The following DGKB variants were observed in gnomAD, a reference collection of about 807,000 sequenced individuals.
The protein encoded by DGKB is diacylglycerol kinase beta, also known as 90 kDa diacylglycerol kinase.
Under a neutral mutation model 114.3 loss-of-function variants are expected in DGKB, and 67 were observed. The observed-to-expected ratio is 0.59, with a 90% confidence interval of 0.48 to 0.72. DGKB has a LOEUF of 0.72. DGKB is among the 30% of genes least tolerant of loss of function. The pLI is 0.00. For missense variants in DGKB, 907 were observed against 975.2 expected, an observed-to-expected ratio of 0.93 and a Z score of 0.93; for synonymous variants, 398 against 323.1, an observed-to-expected ratio of 1.23 and a Z score of -2.49.
At chr7:14,579,931 T>C (rs1445273029) in intron 19 of DGKB, among the ~76,000 whole-genome samples, 1 of 152,204 alleles carries the variant, frequency 6.6e-6, no homozygotes, top group Non-Finnish European at 1.5e-5. Flanking sequence ...CAAACTTCTC[T>C]AAGTGAGCTT....
At chr7:14,230,215 C>G (rs1284545876) in intron 23 of DGKB, among the ~76,000 whole-genome samples, 1 of 151,994 alleles carries the variant, frequency 6.6e-6, no homozygotes, top group Non-Finnish European at 1.5e-5. Flanking sequence ...TGTCTTCATT[C>G]TTTTACTTGG....
At chr7:14,256,075 A>T (rs59734999) in intron 23 of DGKB, among the ~76,000 whole-genome samples, 9 of 152,130 alleles carry the variant, frequency 5.9e-5, no homozygotes, top group Non-Finnish European at 1.2e-4. Flanking sequence ...AATACTGGCC[A>T]AGTTTTGTCT....
chr7:14,538,085 C>CAAAAAAAAA (rs58405374), intron 20 of DGKB, among the ~76,000 whole-genome samples: 3 of 44,798 alleles, frequency 6.7e-5, no homozygotes, highest in South Asian at 1.2e-3. Flanking sequence ...ATCTCTGTCT[C>CAAAAAAAAA]AAAAAAAAAA....
At chr7:14,804,156 A>AT (rs1330164860) in intron 2 of DGKB, among the ~76,000 whole-genome samples, 3 of 146,240 alleles carry the variant, frequency 2.1e-5, no homozygotes, top group Non-Finnish European at 4.5e-5. Flanking sequence ...TGCATGCTTT[A>AT]TTTCCCTCTA....
intron 1 of DGKB, among the ~76,000 whole-genome samples, chr7:14,908,900 CAT>C (rs1217612609): frequency 6.6e-6 from 1 of 152,116 alleles, no homozygotes; most frequent in Non-Finnish European, 1.5e-5. Context: ...TAACAAAACT[CAT>C]TATCATTATC....
chr7:14,657,238 C>G (rs1816031307), intron 13 of DGKB, among the ~76,000 whole-genome samples: 1 of 151,680 alleles, frequency 6.6e-6, no homozygotes, highest in African/African-American at 2.4e-5. Flanking sequence ...ATGTGTTCCT[C>G]ATCAGAATTT....
intron 19 of DGKB, among the ~76,000 whole-genome samples, chr7:14,577,099 C>T (rs914256503): frequency 1.3e-5 from 2 of 152,082 alleles, no homozygotes; most frequent in Admixed American, 6.6e-5. Context: ...ATCAAATCCA[C>T]TAAATATGCC....
In DGKB at chr7:14,757,689, C is replaced by T. The variant is rs1835088498; in HGVS notation, c.113G>A (p.Gly38Asp). 6.2e-7 allele frequency: 1 copy of T among 1,605,386 alleles called. No homozygotes were observed. The highest frequency in any genetic ancestry group is 8.5e-7 in the Non-Finnish European group (1 of 1,173,958). The change falls in exon 3 of 26, where the codon GGT (glycine) becomes GAT (aspartate). Residue 38 changes from glycine to aspartate, a missense_variant. Coordinates refer to ENST00000402815, the MANE Select transcript of DGKB (RefSeq NM_001350709.2). The stretch of plus-strand genomic sequence containing the variant: ...ATTATACTTTGCAAGCACACCATTA[C>T]CATGGAATTCTTCAAGAACATCCTT... ...KLKDVLEEFHGNGVLAKYNPE... is the reference protein window; with the variant it reads ...KLKDVLEEFHDNGVLAKYNPE...
intron 21 of DGKB, among the ~76,000 whole-genome samples, chr7:14,444,698 T>C (rs1319368394): frequency 1.3e-5 from 2 of 152,020 alleles, no homozygotes; most frequent in Admixed American, 6.6e-5. Context: ...ATGATGGTAG[T>C]CCTATTACTA....
intron 13 of DGKB, among the ~76,000 whole-genome samples, chr7:14,640,189 T>C (rs17168328): frequency 0.021 from 3,252 of 152,318 alleles, 51 homozygotes; most frequent in South Asian, 0.039. Context: ...GATTATACCT[T>C]GTCTGGGTTT....
chr7:14,650,217 C>T (rs1165147373), intron 13 of DGKB, among the ~76,000 whole-genome samples: 61 of 84,416 alleles, frequency 7.2e-4, no homozygotes, highest in Non-Finnish European at 1.1e-3. Context: ...CACACCACAC[C>T]TATTCCAAAA....
intron 5 of DGKB, 108 bp from the exon 6 acceptor site, chr7:14,718,793 T>C (rs1178246015): frequency 1.2e-6 from 1 of 848,526 alleles, no homozygotes; most frequent in South Asian, 1.9e-5. Context: ...ATTTATATTT[T>C]TTAGGCATAG....
rs748776540 is a variant in DGKB at position 14,821,435 on chromosome 7, T to C, written c.70+19759A>G. On this transcript the variant is annotated intron_variant, in intron 2 of 25. Coordinates refer to ENST00000402815, the MANE Select transcript of DGKB (RefSeq NM_001350709.2). The stretch of plus-strand genomic sequence containing the variant: ...ATGAACAGGGTATTGATGTAGATAA[T>C]ATCAGAGAGGAGGAACTTCAAGTGG... Among the ~76,000 whole-genome samples the C allele has an allele frequency of 5.9e-5, 9 of 152,256 alleles. No homozygotes were observed. The East Asian group carries it at 1.7e-3, about 29-fold the overall frequency.
At chr7:14,402,150 T>A (rs957792962) in intron 21 of DGKB, among the ~76,000 whole-genome samples, 3 of 151,790 alleles carry the variant, frequency 2.0e-5, no homozygotes, top group African/African-American at 7.2e-5. Context: ...GATAGATCTA[T>A]TTCATTTCAT....
chr7:14,214,925 C>T (rs1211185287), intron 23 of DGKB, among the ~76,000 whole-genome samples: 2 of 152,126 alleles, frequency 1.3e-5, no homozygotes, highest in South Asian at 2.1e-4. Context: ...GACTTCCATT[C>T]GCTCCTCCCT....
At chr7:14,831,331 C>T (rs1359640761) in intron 2 of DGKB, among the ~76,000 whole-genome samples, 2 of 151,894 alleles carry the variant, frequency 1.3e-5, no homozygotes, top group Admixed American at 6.6e-5. Flanking sequence ...AAAGATAATT[C>T]TCAATGTTTC....
chr7:14,169,360 G>A (rs145028831), intron 25 of DGKB, among the ~76,000 whole-genome samples: 40 of 101,408 alleles, frequency 3.9e-4, no homozygotes, highest in East Asian at 7.4e-4. Flanking sequence ...GCGAGACTCC[G>A]TCTCAAAAAA....
At chr7:14,453,398 C>T (rs1831816586) in intron 21 of DGKB, among the ~76,000 whole-genome samples, 1 of 152,114 alleles carries the variant, frequency 6.6e-6, no homozygotes, top group South Asian at 2.1e-4. Flanking sequence ...TAGTTTGCTC[C>T]AGAGTCTCTA....
chr7:14,301,111 T>C (rs1241826542), intron 23 of DGKB, among the ~76,000 whole-genome samples: 1 of 152,168 alleles, frequency 6.6e-6, no homozygotes, highest in Non-Finnish European at 1.5e-5. Context: ...ATTACACTTT[T>C]TCTGAAGTTT....
Sources: gnomAD v4.1 joint callset for allele counts (sites outside exome capture counted in the v4.1 genomes callset) on GRCh38, gnomAD v4.1.1 for gene constraint, MANE v1.5 for transcripts, NCBI Gene and HGNC (gene_info 2026-07-23, HGNC 2026-07-21) for gene names.